Variants in TIAL1 observed in about 807,000 individuals in gnomAD.
TIAL1 encodes TIA1 cytotoxic granule associated RNA binding protein like 1.
A neutral mutation model predicts 59.7 loss-of-function variants in TIAL1; 7 were observed. The ratio of observed to expected loss-of-function variants is 0.12; its 90% confidence interval spans 0.07 to 0.22. The LOEUF is 0.22. Ranked by LOEUF, TIAL1 falls within the 10% of genes least tolerant of loss-of-function variation. TIAL1 has a pLI of 1.00. For missense variants in TIAL1, 225 were observed against 462.5 expected (o/e 0.49, Z 4.71); for synonymous variants, 149 against 146.3 (o/e 1.02, Z -0.13).
In TIAL1 at chr10:119,581,319, G is replaced by A. The variant is rs570842704; in HGVS notation, c.371+603C>T. Among the ~76,000 whole-genome samples the A allele has an allele frequency of 2.0e-5, 3 of 152,002 alleles. No homozygotes were observed. In the South Asian group the frequency reaches 6.2e-4, roughly 32 times the overall value. On this transcript the variant is annotated intron_variant, in intron 5 of 11. Transcript: ENST00000436547. ...TCAAACCACATTTGCCTCTTAACTA[G>A]TAGAATCAAATATCACTAACAAAAA...
intron 8 of TIAL1, 36 bp downstream of exon 8, chr10:119,577,605 G>C: frequency 6.2e-7 from 1 of 1,605,708 alleles, no homozygotes; most frequent in Non-Finnish European, 8.5e-7. Flanking sequence ...CAGTGATGAA[G>C]CTCCTCAGAG....
In TIAL1 at chr10:119,577,444, G is replaced by A. The variant is rs750013086; in HGVS notation, c.737+7C>T. On this transcript the variant is annotated splice_region_variant and intron_variant, in intron 9 of 11. Coordinates refer to ENST00000436547, the MANE Select transcript of TIAL1 (RefSeq NM_003252.4). ...GAGTAATAATGATATTTCAAGTAGAGTGTTACCTGACAAATGAATAGCCCT... is the reference window on the plus strand; with the variant it reads ...GAGTAATAATGATATTTCAAGTAGAATGTTACCTGACAAATGAATAGCCCT... 2 of 1,603,678 alleles carry A rather than the reference G, an allele frequency of 1.2e-6. No individual in the cohort carries two copies. Among genetic ancestry groups the A allele is most frequent in the Admixed American group, 1.7e-5 (1 of 59,892 alleles).
At chr10:119,577,050 C>T (rs1248835123) in intron 10 of TIAL1, 30 bp downstream of exon 10, 1 of 1,610,246 alleles carries the variant, frequency 6.2e-7, no homozygotes, top group Non-Finnish European at 8.5e-7. Context: ...AGATGGAAAC[C>T]TTAAAGAATG....
intron 1 of TIAL1, chr10:119,592,172 T>C (rs1193103620): frequency 2.6e-5 from 4 of 152,198 alleles, no homozygotes; most frequent in Non-Finnish European, 5.9e-5. Context: ...AATTTTTGTA[T>C]TGAGAGGTCA....
intron 5 of TIAL1, among the ~76,000 whole-genome samples, chr10:119,581,292 A>T (rs562197759): frequency 6.6e-6 from 1 of 152,156 alleles, no homozygotes; most frequent in Admixed American, 6.5e-5. Flanking sequence ...ATTTGTTAAA[A>T]ATCAAACCAC....
intron 2 of TIAL1, among the ~76,000 whole-genome samples, chr10:119,583,738 G>C (rs1845405887): frequency 6.6e-6 from 1 of 152,070 alleles, no homozygotes; most frequent in African/African-American, 2.4e-5. Context: ...GGAACCAGAA[G>C]GCATTTCCTT....
At chr10:119,583,817 T>C (rs1032773734) in intron 2 of TIAL1, among the ~76,000 whole-genome samples, 16 of 152,314 alleles carry the variant, frequency 1.1e-4, no homozygotes, top group African/African-American at 3.8e-4. Context: ...ATCCTACTGT[T>C]GTAGCCACGT....
At chr10:119,583,433 G>GC (rs773561458) in intron 2 of TIAL1, among the ~76,000 whole-genome samples, 8 of 152,128 alleles carry the variant, frequency 5.3e-5, no homozygotes, top group Non-Finnish European at 8.8e-5. Flanking sequence ...CTAAGCTATA[G>GC]CAACATTCTC....
chr10:119,586,048 A>G (rs924197833), intron 2 of TIAL1, among the ~76,000 whole-genome samples: 1 of 152,098 alleles, frequency 6.6e-6, no homozygotes, highest in Non-Finnish European at 1.5e-5. Context: ...CTGTGAACTC[A>G]TCTAGTCCCA....
chr10:119,588,419 C>G (rs147200734), intron 1 of TIAL1, 171 bp from the exon 2 acceptor site: 121 of 387,872 alleles, frequency 3.1e-4, no homozygotes, highest in Non-Finnish European at 3.2e-5. Context: ...TCTCAGCTCA[C>G]TGCAACTTCC....
chr10:119,576,689 T>G lies in TIAL1; in HGVS notation c.923A>C (p.Gln308Pro). The stretch of plus-strand genomic sequence containing the variant: ...TACTTGCCACCCATTTGCCATATAC[T>G]GTCCATACTGTTGTGGGTTTCCATA... Reference protein sequence around the residue: ...QVYGNPQQYGQYMANGWQVPP... With the variant: ...QVYGNPQQYGPYMANGWQVPP... The change falls in exon 11 of 12, where the codon CAG becomes CCG. Residue 308 changes from glutamine (Q) to proline (P), a missense_variant. Transcript: ENST00000436547. The G allele has an allele frequency of 6.2e-7, 1 of 1,614,208 alleles. No homozygotes were observed. The highest frequency in any genetic ancestry group is 8.5e-7 in the Non-Finnish European group (1 of 1,180,024).
chr10:119,579,649 G>A (rs1393271645), intron 6 of TIAL1, among the ~76,000 whole-genome samples: 1 of 152,152 alleles, frequency 6.6e-6, no homozygotes, highest in Non-Finnish European at 1.5e-5. Flanking sequence ...TAGCTCATCT[G>A]TCCTAGACTT....
At position 119,577,440 on chromosome 10, in the gene TIAL1, T is replaced by TA; in HGVS notation, c.737+10dup. 6.3e-7 allele frequency: 1 copy of TA among 1,599,910 alleles called. No homozygotes were observed. The highest frequency in any genetic ancestry group is 8.6e-7 in the Non-Finnish European group (1 of 1,168,938). ...ATAAGAGTAATAATGATATTTCAAG[T>TA]AGAGTGTTACCTGACAAATGAATAG... On this transcript the variant is annotated intron_variant, in intron 9 of 11. Transcript: ENST00000436547.
chr10:119,581,814 A>C, intron 5 of TIAL1, 108 bp downstream of exon 5: 1 of 864,450 alleles, frequency 1.2e-6, no homozygotes, highest in Non-Finnish European at 1.8e-6. Flanking sequence ...AATAAGAAAC[A>C]AAACAAAACC....
intron 1 of TIAL1, among the ~76,000 whole-genome samples, chr10:119,595,904 G>A (rs1253924541): frequency 6.6e-6 from 1 of 152,170 alleles, no homozygotes; most frequent in Admixed American, 6.5e-5. Context: ...GAGAGAAGGG[G>A]CTTGAGTGGT....
Position 119,582,359 on chromosome 10 carries a change from G to A in TIAL1, c.228+100C>T. 1 of 1,482,506 alleles carries A rather than the reference G, an allele frequency of 6.7e-7. No individual in the cohort carries two copies. Among genetic ancestry groups the A allele is most frequent in the Non-Finnish European group, 9.0e-7 (1 of 1,107,946 alleles). 91.8% of individuals were successfully genotyped at this position (1,482,506 alleles called of 1,614,324 possible). On this transcript the variant is annotated intron_variant, in intron 3 of 11. Transcript: ENST00000436547. This position sits in a 1 kb window ranked among gnomAD's most constrained non-coding sequence, Gnocchi z 5.1. ...CTGAATAAAGCAAAACCATCACTCA[G>A]CAGCCGAATATCTGCTCAAAAATTT... is the stretch of plus-strand genomic sequence containing the variant.
chr10:119,596,169 G>A (rs1398194337), intron 1 of TIAL1, among the ~76,000 whole-genome samples: 1 of 152,148 alleles, frequency 6.6e-6, no homozygotes, highest in African/African-American at 2.4e-5. Context: ...GCAGAAACCC[G>A]GCCTAGGGAG....
chr10:119,596,628 T>C lies in TIAL1; in HGVS notation c.-163A>G. 3.2e-6 allele frequency: 2 copies of C among 616,514 alleles called. No individual in the cohort carries two copies. The highest frequency in any genetic ancestry group is 5.7e-6 in the Non-Finnish European group (2 of 351,824). 38.2% of individuals were successfully genotyped at this position (616,514 alleles called of 1,614,324 possible). Reference sequence around the variant, plus strand: ...TCTCCCCCCAGCCCGCTCCGGACACTGCGCTCCAACCAGGAGGAGCAGGAG... The same window carrying C: ...TCTCCCCCCAGCCCGCTCCGGACACCGCGCTCCAACCAGGAGGAGCAGGAG... On this transcript the variant is annotated 5_prime_UTR_variant, in exon 1 of 12. Coordinates refer to ENST00000436547, the MANE Select transcript of TIAL1 (RefSeq NM_003252.4).
intron 2 of TIAL1, among the ~76,000 whole-genome samples, chr10:119,583,898 T>C (rs941573486): frequency 2.6e-5 from 4 of 152,236 alleles, no homozygotes; most frequent in African/African-American, 9.6e-5. Flanking sequence ...ATTTAAATTC[T>C]TGTAAAAGAG....
Sources: allele counts gnomAD v4.1 joint callset (sites outside exome capture counted in the v4.1 genomes callset), GRCh38; gene constraint gnomAD v4.1.1; non-coding constraint Gnocchi (gnomAD v3.1); transcripts MANE v1.5; gene names NCBI Gene and HGNC (gene_info 2026-07-23, HGNC 2026-07-21).